The following ROR1 variants were observed in gnomAD, a reference collection of about 807,000 sequenced individuals.
ROR1 encodes ROR family WNT receptor 1.
ROR1 carries 19 observed loss-of-function variants against 78.8 expected under a neutral mutation model. The ratio of observed to expected loss-of-function variants is 0.24; its 90% CI spans 0.17 to 0.35. ROR1 has a LOEUF of 0.35. Among genes scored for constraint, ROR1 ranks in the 10% least tolerant of loss-of-function variants. ROR1 has a pLI of 1.00. For missense variants in ROR1, 917 were observed against 1,177.8 expected (o/e 0.78, Z 3.24); for synonymous variants, 386 against 433.6 (o/e 0.89, Z 1.36).
At chr1:64,130,613 G>A (rs1648880390) in intron 4 of ROR1, among the ~76,000 whole-genome samples, 2 of 152,132 alleles carry the variant, frequency 1.3e-5, no homozygotes, top group Admixed American at 6.5e-5. Context: ...CCTCCTCCTG[G>A]TTAGCAGTTA....
At chr1:63,841,162 A>G (rs1185933301) in intron 1 of ROR1, among the ~76,000 whole-genome samples, 1 of 152,240 alleles carries the variant, frequency 6.6e-6, no homozygotes, top group Non-Finnish European at 1.5e-5. Context: ...TTTATGAGGT[A>G]TGCATTTTCA....
rs1650466280 is a variant in ROR1, at chr1:64,178,771, C to G, written c.2730C>G (p.Tyr910Ter). ...TVFGNKSQKPYKIDSKQASLL... is the reference protein window; with the variant it reads ...TVFGNKSQKP ...TTGGCAACAAATCTCAAAAACCCTA[C>G]AAAATTGACTCAAAGCAAGCATCTT... The change falls in exon 9 of 9, where the codon TAC (tyrosine) becomes TAG (stop). Residue 910 changes from tyrosine (Y) to a stop codon, truncating the protein, a stop_gained. Transcript: ENST00000371079. LOFTEE classifies it high-confidence loss of function. The surrounding 1 kb of genome is among the most constrained non-coding windows in gnomAD (Gnocchi z 4.3). The G allele has an allele frequency of 1.2e-6, 2 of 1,614,056 alleles. No individual in the cohort carries two copies. Among genetic ancestry groups the G allele is most frequent in the Non-Finnish European group, 1.7e-6 (2 of 1,180,026 alleles).
chr1:64,009,460 CTG>C, intron 2 of ROR1, 84 bp downstream of exon 2: 1 of 1,089,126 alleles, frequency 9.2e-7, no homozygotes, highest in Non-Finnish European at 1.4e-6. Context: ...TTGAAATCAA[CTG>C]TTTTTCAGAT....
chr1:63,831,628 G>T (rs1029986202), intron 1 of ROR1, among the ~76,000 whole-genome samples: 3 of 152,202 alleles, frequency 2.0e-5, no homozygotes, highest in African/African-American at 7.2e-5. Context: ...TTCCCTTCTA[G>T]GCCTCTGGGC....
intron 1 of ROR1, among the ~76,000 whole-genome samples, chr1:63,900,576 C>A (rs758859844): frequency 3.3e-5 from 5 of 151,938 alleles, no homozygotes; most frequent in Admixed American, 6.6e-5. Context: ...TGCCCCCATC[C>A]CATGGATTAG....
At chr1:64,111,141 T>C (rs1648078311) in intron 4 of ROR1, 1 of 152,206 alleles carries the variant, frequency 6.6e-6, no homozygotes, top group African/African-American at 2.4e-5. Context: ...TTACTAAAAC[T>C]TCTCCTAGAA....
At chr1:63,811,058 G>A (rs775220112) in intron 1 of ROR1, among the ~76,000 whole-genome samples, 3 of 152,154 alleles carry the variant, frequency 2.0e-5, no homozygotes, top group Admixed American at 6.5e-5. Flanking sequence ...AGTAGTGAGA[G>A]GATACAGACC....
At chr1:63,998,560 ATGTAACC>A (rs1646357915) in intron 1 of ROR1, among the ~76,000 whole-genome samples, 1 of 152,184 alleles carries the variant, frequency 6.6e-6, no homozygotes, top group Non-Finnish European at 1.5e-5. Flanking sequence ...AGCAGAAATA[ATGTAACC>A]TGTACCTAGT....
chr1:63,982,429 T>C (rs1417146048), intron 1 of ROR1, among the ~76,000 whole-genome samples: 3 of 152,178 alleles, frequency 2.0e-5, no homozygotes, highest in Admixed American at 2.0e-4. Context: ...AAAACACTGC[T>C]CAAACATTTC....
intron 4 of ROR1, among the ~76,000 whole-genome samples, chr1:64,051,482 T>C (rs945820817): frequency 6.8e-6 from 1 of 148,066 alleles, no homozygotes. Flanking sequence ...TAAAATAAAA[T>C]AAAATAAAAT....
At chr1:63,970,821 G>T (rs1446634954) in intron 1 of ROR1, among the ~76,000 whole-genome samples, 1 of 152,182 alleles carries the variant, frequency 6.6e-6, no homozygotes, top group Non-Finnish European at 1.5e-5. Context: ...ATCCAGAGAA[G>T]TTAAGCAACC....
At chr1:64,078,593 A>T (rs1647072292) in intron 4 of ROR1, among the ~76,000 whole-genome samples, 1 of 152,196 alleles carries the variant, frequency 6.6e-6, no homozygotes, top group Non-Finnish European at 1.5e-5. Context: ...GAAGGGAACA[A>T]TGAGAGGGAG....
At chr1:63,907,464 T>G (rs1441270332) in intron 1 of ROR1, among the ~76,000 whole-genome samples, 1 of 152,188 alleles carries the variant, frequency 6.6e-6, no homozygotes, top group Admixed American at 6.5e-5. Context: ...TACACTTAAG[T>G]GGTAGCTGTT....
At chr1:64,001,715 G>A (rs1056965296) in intron 1 of ROR1, among the ~76,000 whole-genome samples, 1 of 152,074 alleles carries the variant, frequency 6.6e-6, no homozygotes, top group African/African-American at 2.4e-5. Context: ...CAGGTAGGGC[G>A]GCTCTCCCAG....
intron 2 of ROR1, among the ~76,000 whole-genome samples, chr1:64,017,090 A>G (rs897400946): frequency 1.3e-5 from 2 of 151,872 alleles, no homozygotes; most frequent in Non-Finnish European, 2.9e-5. Flanking sequence ...TTTTGTATTT[A>G]GAGACGGGGT....
intron 1 of ROR1, among the ~76,000 whole-genome samples, chr1:63,881,148 G>A (rs1031512754): frequency 4.6e-5 from 7 of 152,090 alleles, no homozygotes; most frequent in African/African-American, 1.7e-4. Context: ...CTTTACATAA[G>A]CACAGCTGCC....
chr1:63,811,654 A>T (rs959679303), intron 1 of ROR1, among the ~76,000 whole-genome samples: 1 of 152,078 alleles, frequency 6.6e-6, no homozygotes, highest in African/African-American at 2.4e-5. Flanking sequence ...GGAAGTAAGT[A>T]AGGTTCTGCT....
intron 1 of ROR1, among the ~76,000 whole-genome samples, chr1:63,979,645 G>A (rs1227126682): frequency 6.6e-6 from 1 of 152,154 alleles, no homozygotes; most frequent in African/African-American, 2.4e-5. Flanking sequence ...ACAACCAGAA[G>A]CCAGTGGGCA....
chr1:63,781,283 G>T (rs753325381), intron 1 of ROR1, among the ~76,000 whole-genome samples: 2 of 152,112 alleles, frequency 1.3e-5, no homozygotes, highest in Non-Finnish European at 2.9e-5. Context: ...TATATGCCAG[G>T]TATCATTTTT....
Sources: gnomAD v4.1 joint callset for allele counts (sites outside exome capture counted in the v4.1 genomes callset) on GRCh38, gnomAD v4.1.1 for gene constraint, Gnocchi (gnomAD v3.1) non-coding constraint, MANE v1.5 for transcripts, NCBI Gene and HGNC (gene_info 2026-07-23, HGNC 2026-07-21) for gene names.